PARVG: variants seen among roughly 807,000 people sequenced by gnomAD.
PARVG encodes gamma-parvin.
PARVG carries 36 observed loss-of-function variants against 44.4 expected under a neutral mutation model. That is an observed-to-expected ratio of 0.81 (90% CI 0.62 to 1.07). PARVG has a LOEUF of 1.07. Among genes scored for constraint, PARVG ranks in the 50% least tolerant of loss-of-function variants. The pLI, the probability that PARVG is intolerant of heterozygous loss-of-function variation, is 0.00. For missense variants in PARVG, 407 were observed against 407.4 expected (o/e 1.00, Z 0.01); for synonymous variants, 170 against 174.1 (o/e 0.98, Z 0.19).
intron 1 of PARVG, among the ~76,000 whole-genome samples, chr22:44,173,386 C>A (rs530650165): frequency 1.2e-4 from 18 of 152,210 alleles, no homozygotes; most frequent in Non-Finnish European, 1.9e-4. Context: ...CCCTGTGTGG[C>A]GGAGATGGTG....
chr22:44,201,987 G>A (rs1399259187), intron 12 of PARVG, among the ~76,000 whole-genome samples: 1 of 152,258 alleles, frequency 6.6e-6, no homozygotes, highest in East Asian at 1.9e-4. Flanking sequence ...ACAGTGACAT[G>A]GGACAGCCCT....
intron 5 of PARVG, 180 bp from the exon 6 acceptor site, chr22:44,188,934 G>GTATCATTA: frequency 3.0e-6 from 2 of 658,490 alleles, no homozygotes; most frequent in Non-Finnish European, 2.5e-6. Flanking sequence ...GGGTCTCCTG[G>GTATCATTA]AAGCTGGAGG....
chr22:44,201,304 G>A (rs569747905), intron 12 of PARVG, among the ~76,000 whole-genome samples: 21 of 152,262 alleles, frequency 1.4e-4, no homozygotes, highest in East Asian at 3.9e-4. Context: ...CTGTGAGAGC[G>A]GGGCAGGGCT....
In PARVG at chr22:44,193,797, A is replaced by G. The variant is rs2147231045; in HGVS notation, c.561-4A>G. On this transcript the variant is annotated splice_region_variant and splice_polypyrimidine_tract_variant and intron_variant, in intron 8 of 13. Coordinates refer to ENST00000444313, the MANE Select transcript of PARVG (RefSeq NM_022141.7). ...TTTGTTTGCTTTTTCCACCCACTGC[A>G]CAGCACAGACAAGGACGAGCCTCCA... 6.2e-7 allele frequency: 1 copy of G among 1,613,848 alleles called. No individual in the cohort carries two copies. Among genetic ancestry groups the G allele is most frequent in the Non-Finnish European group, 8.5e-7 (1 of 1,179,930 alleles).
At chr22:44,198,957 T>TCCAC (rs1555918590) in intron 12 of PARVG, among the ~76,000 whole-genome samples, 1 of 69,336 alleles carries the variant, frequency 1.4e-5, no homozygotes, top group Non-Finnish European at 3.2e-5. Context: ...CATCCATCCA[T>TCCAC]CCATCCATCC....
At position 44,181,160 on chromosome 22, in the gene PARVG, T is replaced by C. The variant is rs935791224; in HGVS notation, c.-214T>C. On this transcript the variant is annotated 5_prime_UTR_variant, in exon 1 of 14. Transcript: ENST00000444313. Reference sequence around the variant, plus strand: ...CAATATTTATTCACTGAGCCCACTTTGTGCCAAGCATTGTTCTAGACACGG... The same window carrying C: ...CAATATTTATTCACTGAGCCCACTTCGTGCCAAGCATTGTTCTAGACACGG... The C allele has an allele frequency of 5.2e-6, 2 of 388,148 alleles. No individual in the cohort carries two copies. Among genetic ancestry groups the C allele is most frequent in the Non-Finnish European group, 7.0e-6 (2 of 283,836 alleles). The allele number at this position is 388,148 out of a possible 1,614,324, so 24.0% of individuals were successfully genotyped here.
intron 12 of PARVG, among the ~76,000 whole-genome samples, chr22:44,204,578 C>T (rs1025820425): frequency 6.6e-6 from 1 of 152,244 alleles, no homozygotes; most frequent in Non-Finnish European, 1.5e-5. Flanking sequence ...GCCAGGCTGG[C>T]GTTTCTGGAT....
rs1255708986 is a variant in PARVG, at chr22:44,182,380, C to A, written c.-13+463C>A. ...GGCCAGGCTCTTTCGTTTTCTCTGGCCATGGCCCTCAGCTTGGATATTAAG... is the reference window on the plus strand; with the variant it reads ...GGCCAGGCTCTTTCGTTTTCTCTGGACATGGCCCTCAGCTTGGATATTAAG... On this transcript the variant is annotated intron_variant, in intron 2 of 13. Transcript: ENST00000444313. This position sits in a 1 kb window ranked among gnomAD's most constrained non-coding sequence, Gnocchi z 4.6. Among the ~76,000 whole-genome samples the A allele has an allele frequency of 6.6e-6, 1 of 152,194 alleles. No individual in the cohort carries two copies. Among genetic ancestry groups the A allele is most frequent in the Non-Finnish European group, 1.5e-5 (1 of 68,030 alleles).
At chr22:44,204,110 G>T (rs965020042) in intron 12 of PARVG, among the ~76,000 whole-genome samples, 29 of 152,320 alleles carry the variant, frequency 1.9e-4, no homozygotes, top group Admixed American at 1.8e-3. Flanking sequence ...CTCTCAAAGT[G>T]CTGGGATTAC....
At position 44,189,270 on chromosome 22, in the gene PARVG, C is replaced by G. The variant is rs778390511; in HGVS notation, c.388+16C>G. 3 of 1,613,142 alleles carry G rather than the reference C, an allele frequency of 1.9e-6. No individual in the cohort carries two copies. Among genetic ancestry groups the G allele is most frequent in the Non-Finnish European group, 1.7e-6 (2 of 1,179,610 alleles). On this transcript the variant is annotated intron_variant, in intron 6 of 13. Coordinates refer to ENST00000444313, the MANE Select transcript of PARVG (RefSeq NM_022141.7). ...AGCGTGGAGAGTACGTGGGCCACAA[C>G]CTGGCTACCCCTGGGGAGTGTGGGG...
intron 1 of PARVG, among the ~76,000 whole-genome samples, chr22:44,175,791 C>T (rs1181068805): frequency 2.6e-5 from 4 of 152,172 alleles, no homozygotes; most frequent in South Asian, 2.1e-4. Context: ...AGGTCTGGGA[C>T]GAAGATGGAG....
chr22:44,191,966 A>G, intron 7 of PARVG, 83 bp from the exon 8 acceptor site: 2 of 1,476,190 alleles, frequency 1.4e-6, no homozygotes, highest in Non-Finnish European at 1.9e-6. Context: ...GAGGGATGAT[A>G]CAGAGCAAAC....
At chr22:44,205,318 C>G (rs555642688) in intron 12 of PARVG, among the ~76,000 whole-genome samples, 3 of 152,310 alleles carry the variant, frequency 2.0e-5, no homozygotes, top group Admixed American at 2.0e-4. Flanking sequence ...AACAGCTGTT[C>G]TCAAAGGTGC....
intron 4 of PARVG, chr22:44,186,544 C>CTCCA: frequency 2.1e-6 from 1 of 471,138 alleles, no homozygotes; most frequent in Non-Finnish European, 4.4e-6. Context: ...TATTCCCTCA[C>CTCCA]TCCATCCATC....
At chr22:44,198,269 G>A (rs1458701678) in intron 11 of PARVG, among the ~76,000 whole-genome samples, 1 of 152,156 alleles carries the variant, frequency 6.6e-6, no homozygotes, top group East Asian at 1.9e-4. Flanking sequence ...AGATGAGCCT[G>A]GTGTGCTGCT....
At chr22:44,196,523 AC>A (rs148911793) in intron 11 of PARVG, 108 bp downstream of exon 11, 53,896 of 1,350,398 alleles carry the variant, frequency 0.04, 1,278 homozygotes, top group Middle Eastern at 0.052. Flanking sequence ...GGGTTGCATC[AC>A]CTCTTGGAGC....
intron 1 of PARVG, among the ~76,000 whole-genome samples, chr22:44,174,514 C>T (rs917402761): frequency 5.9e-5 from 9 of 151,630 alleles, no homozygotes; most frequent in Non-Finnish European, 1.0e-4. Context: ...CAAGACCAGC[C>T]TGGCCAACAT....
At chr22:44,198,932 A>G (rs2054659390) in intron 12 of PARVG, among the ~76,000 whole-genome samples, 6 of 57,398 alleles carry the variant, frequency 1.0e-4, no homozygotes, top group Admixed American at 1.7e-4. Context: ...CTACCCATCC[A>G]TCCATCCACC....
intron 3 of PARVG, 134 bp downstream of exon 3, chr22:44,183,542 C>A: frequency 1.3e-6 from 1 of 775,870 alleles, no homozygotes; most frequent in Non-Finnish European, 2.0e-6. Flanking sequence ...CTGCCTCCAC[C>A]TTCTGCTTTA....
Sources: allele counts gnomAD v4.1 joint callset (sites outside exome capture counted in the v4.1 genomes callset), GRCh38; gene constraint gnomAD v4.1.1; non-coding constraint Gnocchi (gnomAD v3.1); transcripts MANE v1.5; gene names NCBI Gene and HGNC (gene_info 2026-07-23, HGNC 2026-07-21).